Variants in FBXL7 observed in about 807,000 individuals in gnomAD.
FBXL7 encodes F-box/LRR-repeat protein 7.
Under a neutral mutation model 38.3 loss-of-function variants are expected in FBXL7, and 12 were observed. The observed-to-expected ratio is 0.31, with a 90% CI of 0.20 to 0.51. FBXL7 has a LOEUF of 0.51. Ranked by LOEUF, FBXL7 falls within the 20% of genes least tolerant of loss-of-function variation. The pLI is 0.98. For missense variants in FBXL7, 567 were observed against 676.4 expected (o/e 0.84, Z 1.79); for synonymous variants, 297 against 300.9 (o/e 0.99, Z 0.13).
At chr5:15,771,021 T>G (rs1736715812) in intron 2 of FBXL7, among the ~76,000 whole-genome samples, 1 of 152,204 alleles carries the variant, frequency 6.6e-6, no homozygotes, top group Admixed American at 6.5e-5. Context: ...ACATCTCCAA[T>G]GCGCTTTGCT....
chr5:15,797,206 G>A (rs1305494687), intron 2 of FBXL7, among the ~76,000 whole-genome samples: 1 of 152,160 alleles, frequency 6.6e-6, no homozygotes, highest in Non-Finnish European at 1.5e-5. Flanking sequence ...GTTGGGCACA[G>A]CATACAAGAC....
At chr5:15,854,656 T>C (rs1311788172) in intron 2 of FBXL7, among the ~76,000 whole-genome samples, 2 of 152,220 alleles carry the variant, frequency 1.3e-5, no homozygotes, top group Non-Finnish European at 2.9e-5. Context: ...TAATACTTCA[T>C]ACTTTCTCAC....
chr5:15,592,769 T>C (rs1403251042), intron 1 of FBXL7, among the ~76,000 whole-genome samples: 3 of 152,236 alleles, frequency 2.0e-5, no homozygotes, highest in Admixed American at 2.0e-4. Flanking sequence ...TCCTAACCTT[T>C]AGGTCACACA....
At chr5:15,638,231 A>G (rs1446106057) in intron 2 of FBXL7, among the ~76,000 whole-genome samples, 1 of 152,216 alleles carries the variant, frequency 6.6e-6, no homozygotes, top group African/African-American at 2.4e-5. Flanking sequence ...GAGGCTTCAC[A>G]GAGGAGCTGA....
In FBXL7 at chr5:15,781,153, A is replaced by T. The variant is rs58829978; in HGVS notation, c.128-146737A>T. Among the ~76,000 whole-genome samples the T allele has an allele frequency of 4.2e-4, 64 of 152,322 alleles. No homozygotes were observed. The East Asian group carries it at 0.011, about 27-fold the overall frequency. ...GAGGACATGAGGATGGATTTGTCCAATAGAAATTGGAACTTAGAGTTTACT... is the reference window on the plus strand; with the variant it reads ...GAGGACATGAGGATGGATTTGTCCATTAGAAATTGGAACTTAGAGTTTACT... On this transcript the variant is annotated intron_variant, in intron 2 of 3. Coordinates refer to ENST00000504595, the MANE Select transcript of FBXL7 (RefSeq NM_012304.5).
chr5:15,515,793 A>G (rs1736918786), intron 1 of FBXL7, among the ~76,000 whole-genome samples: 1 of 152,218 alleles, frequency 6.6e-6, no homozygotes, highest in African/African-American at 2.4e-5. Context: ...CATAAGCAAG[A>G]TGAAAAATGA....
At chr5:15,555,333 AG>A (rs1320344040) in intron 1 of FBXL7, among the ~76,000 whole-genome samples, 1 of 152,198 alleles carries the variant, frequency 6.6e-6, no homozygotes, top group African/African-American at 2.4e-5. Flanking sequence ...CTGGCCATAC[AG>A]CAAAAGCACA....
chr5:15,842,019 G>A (rs1738762531), intron 2 of FBXL7, among the ~76,000 whole-genome samples: 1 of 152,222 alleles, frequency 6.6e-6, no homozygotes, highest in Admixed American at 6.5e-5. Context: ...CCCCACTGGG[G>A]CACTGCTTAG....
At chr5:15,849,381 C>T (rs1015742737) in intron 2 of FBXL7, among the ~76,000 whole-genome samples, 1 of 152,152 alleles carries the variant, frequency 6.6e-6, no homozygotes, top group Non-Finnish European at 1.5e-5. Context: ...TTGCTGTGCC[C>T]CCAGCCAAAT....
chr5:15,887,614 G>T (rs555124629), intron 2 of FBXL7, among the ~76,000 whole-genome samples: 1 of 152,108 alleles, frequency 6.6e-6, no homozygotes. Flanking sequence ...CTTTGTTAAG[G>T]TGTATCCCTA....
At chr5:15,715,968 G>C (rs372434614) in intron 2 of FBXL7, among the ~76,000 whole-genome samples, 2 of 152,326 alleles carry the variant, frequency 1.3e-5, no homozygotes, top group East Asian at 1.9e-4. Flanking sequence ...CTGTGTCCTA[G>C]AGGTGTAAAT....
chr5:15,578,225 T>A (rs999237067), intron 1 of FBXL7, among the ~76,000 whole-genome samples: 1 of 152,156 alleles, frequency 6.6e-6, no homozygotes, highest in Non-Finnish European at 1.5e-5. Context: ...CCAAAAACAA[T>A]CTTATACAAA....
chr5:15,860,363 A>G (rs1376071161), intron 2 of FBXL7, among the ~76,000 whole-genome samples: 4 of 152,216 alleles, frequency 2.6e-5, no homozygotes, highest in African/African-American at 4.8e-5. Context: ...GTTTATAAAT[A>G]TTGAGAAATG....
At chr5:15,857,827 A>T (rs1033928021) in intron 2 of FBXL7, among the ~76,000 whole-genome samples, 4 of 152,212 alleles carry the variant, frequency 2.6e-5, no homozygotes, top group Admixed American at 2.6e-4. Flanking sequence ...ACTAGCAGAC[A>T]TATGTGAAAA....
chr5:15,836,780 T>C (rs1738604286), intron 2 of FBXL7, among the ~76,000 whole-genome samples: 1 of 152,192 alleles, frequency 6.6e-6, no homozygotes, highest in Admixed American at 6.5e-5. Flanking sequence ...CTGGCCTGTG[T>C]CAGGTTTCAG....
At chr5:15,832,710 G>C (rs1432006996) in intron 2 of FBXL7, among the ~76,000 whole-genome samples, 1 of 152,156 alleles carries the variant, frequency 6.6e-6, no homozygotes, top group Non-Finnish European at 1.5e-5. Flanking sequence ...AGATCTCAGA[G>C]GGCTTCATTC....
intron 2 of FBXL7, among the ~76,000 whole-genome samples, chr5:15,799,988 T>G (rs1022680928): frequency 6.6e-6 from 1 of 152,178 alleles, no homozygotes; most frequent in African/African-American, 2.4e-5. Flanking sequence ...TACACAAGCT[T>G]CTTTTTGAAG....
intron 2 of FBXL7, among the ~76,000 whole-genome samples, chr5:15,837,867 T>C (rs142829426): frequency 3.3e-5 from 5 of 152,320 alleles, no homozygotes; most frequent in African/African-American, 1.2e-4. Context: ...TATGTTTCTC[T>C]CAGATCAGCA....
intron 2 of FBXL7, among the ~76,000 whole-genome samples, chr5:15,861,811 A>G (rs1471753680): frequency 2.6e-5 from 4 of 152,292 alleles, no homozygotes; most frequent in Middle Eastern, 3.4e-3. Context: ...TCCTTCTGAA[A>G]AACGTGGCAC....
Sources: allele counts gnomAD v4.1 joint callset (sites outside exome capture counted in the v4.1 genomes callset), GRCh38; gene constraint gnomAD v4.1.1; transcripts MANE v1.5; gene names NCBI Gene and HGNC (gene_info 2026-07-23, HGNC 2026-07-21).